Variants in NIN observed in about 807,000 individuals in gnomAD.
The protein encoded by NIN is ninein, also known as glycogen synthase kinase 3 beta-interacting protein.
In NIN, 137 loss-of-function variants were observed where a neutral mutation model predicts 257.6. The ratio of observed to expected loss-of-function variants is 0.53; its 90% CI spans 0.46 to 0.61. The LOEUF (loss-of-function observed/expected upper bound fraction) is 0.61, where lower values mean the gene tolerates loss of function less well. Among genes scored for constraint, NIN ranks in the 20% least tolerant of loss-of-function variants. The pLI is 0.00. For synonymous variants in NIN, 918 were observed against 919.8 expected, an observed-to-expected ratio of 1.00 and a Z score of 0.04; for missense variants, 2,439 against 2,501.2, an observed-to-expected ratio of 0.98 and a Z score of 0.53.
In NIN at chr14:50,757,928, ACT is replaced by A; in HGVS notation, c.3100_3101del (p.Ser1034TrpfsTer41). On this transcript the variant is annotated frameshift_variant, in exon 18 of 31. Transcript: ENST00000530997. LOFTEE classifies it high-confidence loss of function. ...QATSPLSMLQSGCQVIGEEEV... is the reference protein window; with the variant it reads ...QATSPLSMLQXGCQVIGEEEV... Reference sequence around the variant, plus strand: ...CCTCCTCTCCTATCACCTGGCAACCACTCTGAAGCATTGAGAGAGGAGATGTT... The same window carrying A: ...CCTCCTCTCCTATCACCTGGCAACCACTGAAGCATTGAGAGAGGAGATGTT... 6.2e-7 allele frequency: 1 copy of A among 1,613,740 alleles called. No individual in the cohort carries two copies. The highest frequency in any genetic ancestry group is 8.5e-7 in the Non-Finnish European group (1 of 1,179,954).
intron 5 of NIN, among the ~76,000 whole-genome samples, chr14:50,786,924 T>C (rs2043371140): frequency 6.6e-6 from 1 of 152,242 alleles, no homozygotes; most frequent in Non-Finnish European, 1.5e-5. Flanking sequence ...AGTTTCACAC[T>C]TCTTGAAGAA....
intron 28 of NIN, 75 bp from the exon 29 acceptor site, chr14:50,729,798 T>G (rs1008296020): frequency 1.7e-6 from 2 of 1,174,652 alleles, no homozygotes; most frequent in African/African-American, 3.1e-5. Flanking sequence ...TGTCAGGCAG[T>G]GAGTAATGAA....
At chr14:50,741,031 T>C (rs1377651572) in intron 25 of NIN, among the ~76,000 whole-genome samples, 1 of 152,244 alleles carries the variant, frequency 6.6e-6, no homozygotes, top group East Asian at 1.9e-4. Context: ...CATAGCAACC[T>C]ATTTGTAGCA....
intron 9 of NIN, chr14:50,771,985 CA>C (rs1228102345): frequency 1.8e-3 from 341 of 186,518 alleles, no homozygotes; most frequent in Middle Eastern, 5.8e-3. Flanking sequence ...GACTCCGTCT[CA>C]AAAAAAAAAC....
chr14:50,723,689 A>C lies in NIN; in HGVS notation c.6193-17T>G. ...CTTGCAGAGCTAGAAACAGAACCAGAAACATCTTGACTCCATTTCTGTAAC... is the reference window on the plus strand; with the variant it reads ...CTTGCAGAGCTAGAAACAGAACCAGCAACATCTTGACTCCATTTCTGTAAC... On this transcript the variant is annotated splice_polypyrimidine_tract_variant and intron_variant, in intron 30 of 30. Transcript: ENST00000530997. The C allele has an allele frequency of 6.2e-7, 1 of 1,609,042 alleles. No homozygotes were observed. The highest frequency in any genetic ancestry group is 8.5e-7 in the Non-Finnish European group (1 of 1,175,556).
chr14:50,786,314 G>C (rs953308853), intron 5 of NIN, among the ~76,000 whole-genome samples: 4 of 146,858 alleles, frequency 2.7e-5, no homozygotes, highest in Non-Finnish European at 4.5e-5. Flanking sequence ...CTGTCATCAT[G>C]AACATTAATT....
rs548242652 is a variant in NIN at position 50,732,688 on chromosome 14, G to C, written c.5877+2828C>G. Among the ~76,000 whole-genome samples the C allele has an allele frequency of 5.9e-5, 9 of 152,022 alleles. No homozygotes were observed. The South Asian group carries it at 1.9e-3, about 32-fold the overall frequency. On this transcript the variant is annotated intron_variant, in intron 28 of 30. Coordinates refer to ENST00000530997, the MANE Select transcript of NIN (RefSeq NM_020921.4). The stretch of plus-strand genomic sequence containing the variant: ...GAAATATGCGAACTACATAATATGT[G>C]AATTATACCTCAATAACACTGTTTT...
chr14:50,739,023 T>C (rs1391738701), intron 26 of NIN, among the ~76,000 whole-genome samples: 1 of 152,180 alleles, frequency 6.6e-6, no homozygotes, highest in East Asian at 1.9e-4. Context: ...CCAGCCAATT[T>C]GAAGACTATA....
At chr14:50,815,397 C>T (rs1457839761) in intron 3 of NIN, among the ~76,000 whole-genome samples, 1 of 152,174 alleles carries the variant, frequency 6.6e-6, no homozygotes, top group Non-Finnish European at 1.5e-5. Flanking sequence ...ACAACAGATG[C>T]TGGTGAGGTT....
intron 25 of NIN, 113 bp from the exon 26 acceptor site, chr14:50,739,600 T>A (rs1020018503): frequency 1.2e-6 from 1 of 842,380 alleles, no homozygotes; most frequent in South Asian, 1.7e-5. Flanking sequence ...TACCTTTCAA[T>A]TGTCCCCTCA....
intron 28 of NIN, 139 bp from the exon 29 acceptor site, chr14:50,729,862 C>G: frequency 1.7e-6 from 1 of 589,584 alleles, no homozygotes. Context: ...AACAGGACAG[C>G]ATATGGGCCC....
intron 3 of NIN, among the ~76,000 whole-genome samples, chr14:50,810,540 A>T (rs2142262078): frequency 6.6e-6 from 1 of 152,358 alleles, no homozygotes; most frequent in Middle Eastern, 3.4e-3. Flanking sequence ...ATATAAAATA[A>T]AAAGAAGCAA....
intron 12 of NIN, among the ~76,000 whole-genome samples, chr14:50,768,497 A>G (rs1412437215): frequency 6.6e-6 from 1 of 152,188 alleles, no homozygotes; most frequent in African/African-American, 2.4e-5. Context: ...AGAAAAAAGT[A>G]AATGTAATGG....
intron 4 of NIN, among the ~76,000 whole-genome samples, chr14:50,802,223 T>C (rs1885442): frequency 0.97 from 148,099 of 152,332 alleles, 72,167 homozygotes; most frequent in East Asian, 1. Flanking sequence ...ACAAAAGACT[T>C]CCTACATCCC....
intron 3 of NIN, among the ~76,000 whole-genome samples, chr14:50,819,400 A>G (rs2045090739): frequency 6.6e-6 from 1 of 152,146 alleles, no homozygotes; most frequent in Non-Finnish European, 1.5e-5. Flanking sequence ...AGTTTCCCCC[A>G]TACTGTTCTT....
intron 22 of NIN, among the ~76,000 whole-genome samples, chr14:50,745,076 G>C (rs1474379948): frequency 2.6e-5 from 4 of 152,144 alleles, no homozygotes; most frequent in Non-Finnish European, 5.9e-5. Context: ...GTAAAATGTT[G>C]TTGGTGCGAA....
intron 29 of NIN, among the ~76,000 whole-genome samples, chr14:50,728,874 T>C (rs1454319260): frequency 6.6e-6 from 1 of 152,270 alleles, no homozygotes; most frequent in African/African-American, 2.4e-5. Flanking sequence ...AATAGTTTTA[T>C]GAACTATGTC....
intron 3 of NIN, among the ~76,000 whole-genome samples, chr14:50,813,447 C>T (rs750645356): frequency 6.6e-6 from 1 of 152,184 alleles, no homozygotes; most frequent in Admixed American, 6.5e-5. Flanking sequence ...GACATTTAAA[C>T]TAAATTAAGA....
intron 5 of NIN, among the ~76,000 whole-genome samples, chr14:50,783,959 G>GA (rs35487960): frequency 0.15 from 22,537 of 152,122 alleles, 4,018 homozygotes; most frequent in African/African-American, 0.43. Context: ...AAGTAGGGGG[G>GA]AAAGCGAGGA....
Sources: allele counts gnomAD v4.1 joint callset (sites outside exome capture counted in the v4.1 genomes callset), GRCh38; gene constraint gnomAD v4.1.1; transcripts MANE v1.5; gene names NCBI Gene and HGNC (gene_info 2026-07-23, HGNC 2026-07-21).